Variants in LRRIQ1 observed in about 807,000 individuals in gnomAD.
The protein encoded by LRRIQ1 is leucine rich repeats and IQ motif containing 1, also known as leucine-rich repeat- and IQ domain-containing protein 1.
In LRRIQ1, 210 loss-of-function variants were observed where a neutral mutation model predicts 211.9. That is an observed-to-expected ratio of 0.99 (90% CI 0.89 to 1.11). The LOEUF (loss-of-function observed/expected upper bound fraction) is 1.11, where lower values mean the gene tolerates loss of function less well. LRRIQ1 is among the 50% of genes most tolerant of loss of function. The pLI, the probability that LRRIQ1 is intolerant of heterozygous loss-of-function variation, is 0.00. For synonymous variants in LRRIQ1, 699 were observed against 650.1 expected (o/e 1.08, Z -1.14); for missense variants, 2,136 against 1,939.5 (o/e 1.10, Z -1.90).
At chr12:85,143,892 T>C (rs1438377758) in intron 19 of LRRIQ1, among the ~76,000 whole-genome samples, 2 of 151,632 alleles carry the variant, frequency 1.3e-5, no homozygotes, top group Non-Finnish European at 3.0e-5. Flanking sequence ...TGTCCCTGTA[T>C]TGAGCCAGAA....
chr12:85,239,387 G>A (rs994724185), intron 26 of LRRIQ1, among the ~76,000 whole-genome samples: 33 of 95,600 alleles, frequency 3.5e-4, no homozygotes, highest in Admixed American at 2.3e-3. Flanking sequence ...ACACACACAC[G>A]TGTATATATA....
At chr12:85,238,558 A>G (rs1895307266) in intron 26 of LRRIQ1, among the ~76,000 whole-genome samples, 1 of 152,114 alleles carries the variant, frequency 6.6e-6, no homozygotes, top group East Asian at 1.9e-4. Flanking sequence ...GACATCCAGA[A>G]GAAAGTGGAA....
intron 19 of LRRIQ1, among the ~76,000 whole-genome samples, chr12:85,139,397 T>C (rs185944719): frequency 3.6e-4 from 54 of 151,600 alleles, no homozygotes; most frequent in African/African-American, 1.3e-3. Flanking sequence ...AATTTATTTC[T>C]GGTAACTTTA....
At position 85,047,345 on chromosome 12, in the gene LRRIQ1, G is replaced by C. The variant is rs1162989663; in HGVS notation, c.553G>C (p.Glu185Gln). The change falls in exon 6 of 27, where the codon GAG becomes CAG. Residue 185 changes from glutamate (E) to glutamine (Q), a missense_variant. By Grantham distance (29) the Glu-to-Gln change is conservative. Coordinates refer to ENST00000393217, the MANE Select transcript of LRRIQ1 (RefSeq NM_001079910.2). Reference protein sequence around the residue: ...QEKQKELEDKEKQTLKAQRDR... With the variant: ...QEKQKELEDKQKQTLKAQRDR... The stretch of plus-strand genomic sequence containing the variant: ...GAAACAGAAGGAATTAGAAGATAAA[G>C]AGAAACAAACTCTCAAAGCTCAGAG... The C allele has an allele frequency of 6.2e-7, 1 of 1,609,006 alleles. No homozygotes were observed. Among genetic ancestry groups the C allele is most frequent in the Non-Finnish European group, 8.5e-7 (1 of 1,176,372 alleles).
chr12:85,242,190 T>C (rs886574789), intron 26 of LRRIQ1, among the ~76,000 whole-genome samples: 1 of 152,002 alleles, frequency 6.6e-6, no homozygotes, highest in African/African-American at 2.4e-5. Flanking sequence ...ATAAAAAATA[T>C]TGCACTATTT....
intron 25 of LRRIQ1, among the ~76,000 whole-genome samples, chr12:85,230,018 T>G (rs575127572): frequency 6.6e-6 from 1 of 152,326 alleles, no homozygotes; most frequent in Non-Finnish European, 1.5e-5. Flanking sequence ...AAAATTATAA[T>G]TCAACCCTGT....
rs1336270513 is a variant in LRRIQ1, at chr12:85,122,977, A to G, written c.3558-1093A>G. ...TTTTAGCATTGAAAATGGAAAGACTATAGGAAGAAAGAAAATTCTAATTTT... is the reference window on the plus strand; with the variant it reads ...TTTTAGCATTGAAAATGGAAAGACTGTAGGAAGAAAGAAAATTCTAATTTT... On this transcript the variant is annotated intron_variant, in intron 16 of 26. Transcript: ENST00000393217. Among the ~76,000 whole-genome samples the G allele has an allele frequency of 1.6e-4, 24 of 152,018 alleles. 1 individual carries two copies. Among genetic ancestry groups the G allele is most frequent in the Admixed American group, 1.4e-3 (21 of 15,270 alleles).
chr12:85,140,265 A>T (rs1490374683), intron 19 of LRRIQ1, among the ~76,000 whole-genome samples: 2 of 151,354 alleles, frequency 1.3e-5, no homozygotes, highest in Non-Finnish European at 3.0e-5. Flanking sequence ...ATTAATAAGA[A>T]GTCAGTTTCT....
chr12:85,226,924 A>G (rs1894688207), intron 24 of LRRIQ1, among the ~76,000 whole-genome samples: 2 of 151,914 alleles, frequency 1.3e-5, no homozygotes, highest in African/African-American at 2.4e-5. Context: ...AATCCAGTCT[A>G]TCATTGATGG....
At chr12:85,193,142 G>A (rs1218780258) in intron 24 of LRRIQ1, among the ~76,000 whole-genome samples, 5 of 105,112 alleles carry the variant, frequency 4.8e-5, no homozygotes, top group Middle Eastern at 5.2e-3. Context: ...TTTATATATG[G>A]GACCATATAT....
downstream of LRRIQ1, among the ~76,000 whole-genome samples, chr12:85,247,593 G>A (rs1895767136): frequency 6.6e-6 from 1 of 151,500 alleles, no homozygotes; most frequent in Admixed American, 6.6e-5. Context: ...AATGGGAATA[G>A]TAATGTTTAT....
At chr12:85,129,480 G>C (rs964842169) in intron 18 of LRRIQ1, among the ~76,000 whole-genome samples, 3 of 152,184 alleles carry the variant, frequency 2.0e-5, no homozygotes, top group Admixed American at 2.0e-4. Flanking sequence ...TTAGCTATGA[G>C]AAATATTGTG....
rs1360470653 is a variant in LRRIQ1 at position 85,192,677 on chromosome 12, T to C, written c.4822+31963T>C. On this transcript the variant is annotated intron_variant, in intron 24 of 26. Transcript: ENST00000393217. ...TAATTATAAATATATAGTTATATAC[T>C]ATAATTATATATAAATATATAGTTA... Among the ~76,000 whole-genome samples, 5 of 62,618 alleles carry C rather than the reference T, an allele frequency of 8.0e-5. 1 individual carries two copies. Among genetic ancestry groups the C allele is most frequent in the Admixed American group, 2.5e-4 (1 of 4,030 alleles). The allele number at this position is 62,618 out of a possible 152,430, so 41.1% of individuals were successfully genotyped here.
intron 1 of LRRIQ1, among the ~76,000 whole-genome samples, chr12:85,037,847 A>C (rs1165607104): frequency 6.6e-6 from 1 of 152,086 alleles, no homozygotes; most frequent in Non-Finnish European, 1.5e-5. Flanking sequence ...ACATACCTAC[A>C]TTTATATGTA....
chr12:85,225,042 C>T (rs1242566429), intron 24 of LRRIQ1, among the ~76,000 whole-genome samples: 9 of 151,940 alleles, frequency 5.9e-5, no homozygotes, highest in African/African-American at 2.2e-4. Flanking sequence ...TACAGTCAGC[C>T]TCTCATATCC....
downstream of LRRIQ1, among the ~76,000 whole-genome samples, chr12:85,247,186 C>T (rs1895750461): frequency 6.6e-6 from 1 of 151,528 alleles, no homozygotes; most frequent in South Asian, 2.1e-4. Flanking sequence ...AAATATTTGG[C>T]TTAGTCTATT....
chr12:85,172,882 G>A (rs575866028), intron 24 of LRRIQ1, among the ~76,000 whole-genome samples: 7 of 152,046 alleles, frequency 4.6e-5, no homozygotes, highest in Admixed American at 1.3e-4. Context: ...GCTGAGGCGG[G>A]TGGATCACAA....
chr12:85,147,937 A>G (rs895483440), intron 19 of LRRIQ1, among the ~76,000 whole-genome samples: 9 of 151,746 alleles, frequency 5.9e-5, no homozygotes, highest in Non-Finnish European at 1.2e-4. Flanking sequence ...GTGCTTTTCC[A>G]TAGGAGTGTA....
intron 15 of LRRIQ1, among the ~76,000 whole-genome samples, chr12:85,116,024 T>C (rs1338409266): frequency 1.3e-5 from 2 of 152,198 alleles, no homozygotes; most frequent in Non-Finnish European, 2.9e-5. Flanking sequence ...TAAGACACGG[T>C]CATACTCTTT....
Sources: allele counts gnomAD v4.1 joint callset (sites outside exome capture counted in the v4.1 genomes callset), GRCh38; gene constraint gnomAD v4.1.1; transcripts MANE v1.5; gene names NCBI Gene and HGNC (gene_info 2026-07-23, HGNC 2026-07-21).